The following AGBL3 variants were observed in gnomAD, a reference collection of about 807,000 sequenced individuals.
AGBL3 encodes AGBL carboxypeptidase 3.
AGBL3 carries 68 observed loss-of-function variants against 94.5 expected under a neutral mutation model. The ratio of observed to expected loss-of-function variants is 0.72; its 90% CI spans 0.59 to 0.88. AGBL3 has a LOEUF of 0.88. AGBL3 is among the 40% of genes least tolerant of loss of function. The pLI is 0.00. For missense variants in AGBL3, 934 were observed against 1,103.8 expected (o/e 0.85, Z 2.18); for synonymous variants, 354 against 370.7 (o/e 0.95, Z 0.52).
intron 12 of AGBL3, among the ~76,000 whole-genome samples, chr7:135,069,677 G>A (rs563777790): frequency 2.0e-5 from 3 of 152,226 alleles, no homozygotes; most frequent in Admixed American, 6.5e-5. Context: ...TGAAACCAAC[G>A]AGAACAAAGA....
intron 15 of AGBL3, among the ~76,000 whole-genome samples, chr7:135,108,303 T>C (rs1825071230): frequency 6.6e-6 from 1 of 152,204 alleles, no homozygotes; most frequent in Non-Finnish European, 1.5e-5. Context: ...GATTGCTTTA[T>C]AGTGTCACTG....
chr7:135,044,576 A>G (rs1247011021), intron 9 of AGBL3, among the ~76,000 whole-genome samples: 4 of 152,160 alleles, frequency 2.6e-5, no homozygotes, highest in African/African-American at 9.7e-5. Context: ...CATTTAAGAA[A>G]TCTTTTAGTT....
At chr7:135,032,019 A>C (rs1815796684) in intron 5 of AGBL3, among the ~76,000 whole-genome samples, 1 of 152,076 alleles carries the variant, frequency 6.6e-6, no homozygotes, top group South Asian at 2.1e-4. Flanking sequence ...CCCAAGCAAC[A>C]ATCTTTCCTC....
rs1448572782 is a variant in AGBL3, at chr7:135,021,618, A to T, written c.418+4459A>T. Among the ~76,000 whole-genome samples, 4 of 145,372 alleles carry T rather than the reference A, an allele frequency of 2.8e-5. No individual in the cohort carries two copies. The South Asian group carries it at 6.6e-4, about 24-fold the overall frequency. ...TACTTTTAACCTATGTTTTATTTTA[A>T]TTTTTTTTAATTTTGGAAGATACAC... On this transcript the variant is annotated intron_variant, in intron 5 of 16. Coordinates refer to ENST00000436302, the MANE Select transcript of AGBL3 (RefSeq NM_178563.4).
At chr7:135,026,263 T>TTTTATTTTATTTTATTTATTTTATTTTA (rs1554497762) in intron 5 of AGBL3, among the ~76,000 whole-genome samples, 1 of 63,612 alleles carries the variant, frequency 1.6e-5, no homozygotes, top group African/African-American at 4.5e-5. Context: ...TTTTATTTTA[T>TTTTATTTTATTTTATTTATTTTATTTTA]TTTATTTTAT....
Position 135,067,095 on chromosome 7 carries a change from C to T in AGBL3, c.1908+7860C>T, listed in dbSNP as rs189191096. On this transcript the variant is annotated intron_variant, in intron 12 of 16. Coordinates refer to ENST00000436302, the MANE Select transcript of AGBL3 (RefSeq NM_178563.4). The stretch of plus-strand genomic sequence containing the variant: ...CAGCACACCAGGAGATTATATCCTG[C>T]GCCTGGCTCAGAGGGTCCTACACCC... 2.7e-3 allele frequency among the ~76,000 whole-genome samples: 415 copies of T among 152,284 alleles called. 3 individuals carry two copies. Among genetic ancestry groups the T allele is most frequent in the Non-Finnish European group, 1.8e-3 (123 of 68,028 alleles).
At chr7:135,091,010 G>A (rs1241925806) in intron 15 of AGBL3, among the ~76,000 whole-genome samples, 3 of 152,134 alleles carry the variant, frequency 2.0e-5, no homozygotes, top group Admixed American at 2.0e-4. Flanking sequence ...CTGTGAGGAA[G>A]GACTGTGCCT....
intron 15 of AGBL3, among the ~76,000 whole-genome samples, chr7:135,088,173 T>C (rs1821480489): frequency 1.3e-5 from 2 of 152,140 alleles, no homozygotes; most frequent in Non-Finnish European, 2.9e-5. Context: ...GGAATATTTT[T>C]TCCATCCCTT....
At chr7:135,042,907 G>A (rs1296234224) in intron 8 of AGBL3, among the ~76,000 whole-genome samples, 5 of 152,066 alleles carry the variant, frequency 3.3e-5, no homozygotes, top group Admixed American at 3.3e-4. Flanking sequence ...GAGAGACCCT[G>A]TCTCAAAAAC....
intron 8 of AGBL3, among the ~76,000 whole-genome samples, chr7:135,039,877 G>GA (rs977865280): frequency 6.6e-6 from 1 of 151,598 alleles, no homozygotes; most frequent in Admixed American, 6.6e-5. Flanking sequence ...GAGAGACAAT[G>GA]AAAAAAAATC....
intron 15 of AGBL3, among the ~76,000 whole-genome samples, chr7:135,111,456 T>C (rs891493836): frequency 6.6e-6 from 1 of 152,216 alleles, no homozygotes; most frequent in East Asian, 1.9e-4. Context: ...CTATTTCCCT[T>C]GATTCATTGA....
At chr7:135,130,289 A>G (rs1251043855) in intron 16 of AGBL3, among the ~76,000 whole-genome samples, 1 of 152,242 alleles carries the variant, frequency 6.6e-6, no homozygotes, top group East Asian at 1.9e-4. Flanking sequence ...ATGGAAATTT[A>G]TAATAATTTA....
intron 16 of AGBL3, chr7:135,128,954 T>C (rs1319717579): frequency 3.2e-6 from 5 of 1,575,116 alleles, no homozygotes; most frequent in Non-Finnish European, 4.4e-6. Context: ...AGAAGCTGGG[T>C]AGTGAATGCA....
chr7:135,129,199 A>C, intron 16 of AGBL3: 1 of 1,427,396 alleles, frequency 7.0e-7, no homozygotes, highest in Non-Finnish European at 9.9e-7. Context: ...TACTGCCCCC[A>C]CGCATGCTGC....
At chr7:135,014,838 C>G (rs1227825030) in intron 4 of AGBL3, among the ~76,000 whole-genome samples, 1 of 152,206 alleles carries the variant, frequency 6.6e-6, no homozygotes, top group Admixed American at 6.5e-5. Flanking sequence ...CTCCATTCTT[C>G]TGGGAACATG....
chr7:134,989,838 CT>C (rs1193141480), intron 3 of AGBL3, among the ~76,000 whole-genome samples: 3 of 139,410 alleles, frequency 2.2e-5, no homozygotes, highest in African/African-American at 2.7e-5. Flanking sequence ...TTTTTTTTTT[CT>C]TTTGTCTTTT....
intron 15 of AGBL3, chr7:135,092,275 T>C (rs971011495): frequency 1.3e-5 from 2 of 152,236 alleles, no homozygotes; most frequent in Non-Finnish European, 1.5e-5. Flanking sequence ...TCCATAAATA[T>C]TACAAAATAA....
At chr7:135,031,011 G>A (rs1486555694) in intron 5 of AGBL3, among the ~76,000 whole-genome samples, 1 of 151,070 alleles carries the variant, frequency 6.6e-6, no homozygotes, top group African/African-American at 2.4e-5. Context: ...GTTCAGTTTT[G>A]TTTTTTTTGT....
chr7:135,047,335 T>A (rs552265472), intron 11 of AGBL3, among the ~76,000 whole-genome samples: 1 of 152,060 alleles, frequency 6.6e-6, no homozygotes, highest in Non-Finnish European at 1.5e-5. Flanking sequence ...TTGTGAATAG[T>A]GCTACAATAA....
Sources: allele counts gnomAD v4.1 joint callset (sites outside exome capture counted in the v4.1 genomes callset), GRCh38; gene constraint gnomAD v4.1.1; transcripts MANE v1.5; gene names NCBI Gene and HGNC (gene_info 2026-07-23, HGNC 2026-07-21).